The following ALPL variants were observed in gnomAD, a reference collection of about 807,000 sequenced individuals.
ALPL encodes alkaline phosphatase, tissue-nonspecific isozyme.
Under a neutral mutation model 51.3 loss-of-function variants are expected in ALPL, and 42 were observed. The observed-to-expected ratio is 0.82, with a 90% CI of 0.64 to 1.06. ALPL has a LOEUF of 1.06. Among genes scored for constraint, ALPL ranks in the 50% least tolerant of loss-of-function variants. The pLI is 0.00. For missense variants in ALPL, 589 were observed against 709.4 expected (o/e 0.83, Z 1.93); for synonymous variants, 279 against 296.4 (o/e 0.94, Z 0.60).
At chr1:21,515,547 C>T (rs1643779212) in intron 1 of ALPL, among the ~76,000 whole-genome samples, 1 of 152,186 alleles carries the variant, frequency 6.6e-6, no homozygotes, top group Admixed American at 6.5e-5. Context: ...TGCCACCACA[C>T]CCAGCTAATT....
chr1:21,541,666 G>T (rs6682633), intron 1 of ALPL, among the ~76,000 whole-genome samples: 88,163 of 152,058 alleles, frequency 0.58, 26,059 homozygotes, highest in East Asian at 0.83. Flanking sequence ...GGCACTGGGT[G>T]CTGGGAGCTT....
In ALPL at chr1:21,576,623, G is replaced by A; in HGVS notation, c.1291G>A (p.Val431Ile). 6.2e-7 allele frequency: 1 copy of A among 1,613,872 alleles called. No homozygotes were observed. Among genetic ancestry groups the A allele is most frequent in the Non-Finnish European group, 8.5e-7 (1 of 1,179,866 alleles). ...GGTGGTGGGCGGTGAACGAGAGAAT[G>A]TCTCCATGGTGGACTATGGTGAGAC... ...YKVVGGEREN[V>I]SMVDYAHNNY... The change falls in exon 11 of 12, where the codon GTC becomes ATC. Residue 431 changes from valine (V) to isoleucine (I), a missense_variant. Coordinates refer to ENST00000374840, the MANE Select transcript of ALPL (RefSeq NM_000478.6).
At chr1:21,571,386 G>T (rs1644644574) in intron 8 of ALPL, among the ~76,000 whole-genome samples, 1 of 152,172 alleles carries the variant, frequency 6.6e-6, no homozygotes, top group Admixed American at 6.5e-5. Flanking sequence ...CTTAGGCCAG[G>T]TGCAGGCCGG....
At chr1:21,537,090 G>A (rs1168759505) in intron 1 of ALPL, among the ~76,000 whole-genome samples, 5 of 151,984 alleles carry the variant, frequency 3.3e-5, no homozygotes, top group African/African-American at 1.2e-4. Context: ...TAGAGACAGG[G>A]TTTCACTGTG....
rs1223124819 is a variant in ALPL at position 21,509,669 on chromosome 1, G to A, written c.-105+152G>A. 6.6e-6 allele frequency among the ~76,000 whole-genome samples: 1 copy of A among 152,166 alleles called. No homozygotes were observed. Among genetic ancestry groups the A allele is most frequent in the Non-Finnish European group, 1.5e-5 (1 of 68,026 alleles). ...ACGCCGCCCACAGCAGCCCATTCGG[G>A]ACGCCCTGCAATTGGTCCTGCCCCT... is the stretch of plus-strand genomic sequence containing the variant. On this transcript the variant is annotated intron_variant, in intron 1 of 11. Transcript: ENST00000374840. This position sits in a 1 kb window ranked among gnomAD's most constrained non-coding sequence, Gnocchi z 6.0.
In ALPL at chr1:21,509,799, G is replaced by A. The variant is rs927997782; in HGVS notation, c.-105+282G>A. ...AACTCAGGGGACCGCGCTCGGGACC[G>A]CCCTGCAGTCCCAGGGTCTCCTACC... On this transcript the variant is annotated intron_variant, in intron 1 of 11. Coordinates refer to ENST00000374840, the MANE Select transcript of ALPL (RefSeq NM_000478.6). The surrounding 1 kb of genome is among the most constrained non-coding windows in gnomAD (Gnocchi z 6.0). Among the ~76,000 whole-genome samples the A allele has an allele frequency of 1.3e-4, 20 of 152,228 alleles. No homozygotes were observed. The highest frequency in any genetic ancestry group is 4.8e-4 in the African/African-American group (20 of 41,558).
intron 2 of ALPL, among the ~76,000 whole-genome samples, chr1:21,558,358 C>T (rs1294740980): frequency 6.8e-6 from 1 of 146,940 alleles, no homozygotes; most frequent in East Asian, 2.3e-4. Context: ...AAGGTCTTCA[C>T]CACCCAGTGG....
chr1:21,577,780 CA>C lies in ALPL; in HGVS notation c.*135del. On this transcript the variant is annotated 3_prime_UTR_variant, in exon 12 of 12. Transcript: ENST00000374840. ...CTGCAAGAAAGGGGACCCAAGAAAC[CA>C]AAGTCTGCCGCCCACCTCGCTCCCC... is the stretch of plus-strand genomic sequence containing the variant. The C allele has an allele frequency of 8.3e-7, 1 of 1,203,484 alleles. No individual in the cohort carries two copies. The highest frequency in any genetic ancestry group is 1.1e-6 in the Non-Finnish European group (1 of 876,552). 74.6% of individuals were successfully genotyped at this position (1,203,484 alleles called of 1,614,324 possible).
In ALPL at chr1:21,560,955, C is replaced by G. The variant is rs987175391; in HGVS notation, c.182-142C>G. 1.6e-5 allele frequency: 16 copies of G among 984,492 alleles called. No homozygotes were observed. The African/African-American group carries it at 1.9e-4, about 12-fold the overall frequency. 61.0% of individuals were successfully genotyped at this position (984,492 alleles called of 1,614,324 possible). A position where few individuals can be genotyped will look rare whatever the true frequency, so the allele number is the denominator to read the frequency against. The stretch of plus-strand genomic sequence containing the variant: ...TGGGGGTGAAGGGAGAGAGGGGCTG[C>G]TCACTGACATTTACAGAGCCATGCC... On this transcript the variant is annotated intron_variant, in intron 3 of 11. Transcript: ENST00000374840.
intron 1 of ALPL, among the ~76,000 whole-genome samples, chr1:21,540,294 C>T (rs994674979): frequency 4.0e-5 from 6 of 151,072 alleles, no homozygotes; most frequent in Admixed American, 2.6e-4. Flanking sequence ...CCCTCCCCTG[C>T]GATCTCCCTA....
chr1:21,544,825 A>G (rs993087724), intron 1 of ALPL, among the ~76,000 whole-genome samples: 5 of 152,236 alleles, frequency 3.3e-5, no homozygotes, highest in Non-Finnish European at 7.3e-5. Context: ...CGAAACCTAA[A>G]TAGAGTCACT....
At chr1:21,576,234 GGATGGATGGATGGATGGAT>G (rs1489494861) in intron 10 of ALPL, among the ~76,000 whole-genome samples, 1 of 147,182 alleles carries the variant, frequency 6.8e-6, no homozygotes, top group East Asian at 2.0e-4. Context: ...ATGGATGGAT[GGATGGATGGATGGATGGAT>G]GATGGATGGA....
chr1:21,553,027 T>C (rs1394069651), intron 1 of ALPL, among the ~76,000 whole-genome samples: 2 of 151,800 alleles, frequency 1.3e-5, no homozygotes, highest in South Asian at 2.1e-4. Flanking sequence ...AACATTCTTA[T>C]GCCATTAATA....
rs1325977522 is a variant in ALPL at position 21,563,099 on chromosome 1, C to T, written c.298-11C>T. The T allele has an allele frequency of 1.9e-6, 3 of 1,613,482 alleles. No individual in the cohort carries two copies. The highest frequency in any genetic ancestry group is 2.7e-5 in the African/African-American group (2 of 75,064). On this transcript the variant is annotated splice_polypyrimidine_tract_variant and intron_variant, in intron 4 of 11. Coordinates refer to ENST00000374840, the MANE Select transcript of ALPL (RefSeq NM_000478.6). ...CCTGGCCATCTCCTGACCCTCCTCT[C>T]CCACCTGCAGACGTACAACACCAAT...
chr1:21,513,680 C>T (rs1643735703), intron 1 of ALPL, among the ~76,000 whole-genome samples: 1 of 152,160 alleles, frequency 6.6e-6, no homozygotes, highest in African/African-American at 2.4e-5. Context: ...CCTAAGGCTG[C>T]AGGGGGTGGG....
chr1:21,571,559 C>A (rs929309883), intron 8 of ALPL, among the ~76,000 whole-genome samples: 2 of 152,118 alleles, frequency 1.3e-5, no homozygotes, highest in Non-Finnish European at 1.5e-5. Flanking sequence ...GTAGTCCCAG[C>A]TACTCAGGAG....
At chr1:21,510,290 A>G (rs1643658662) in intron 1 of ALPL, among the ~76,000 whole-genome samples, 1 of 152,238 alleles carries the variant, frequency 6.6e-6, no homozygotes, top group Admixed American at 6.5e-5. Flanking sequence ...CCCACTCCCC[A>G]TTGTGCCTTA....
intron 2 of ALPL, among the ~76,000 whole-genome samples, chr1:21,559,111 G>T (rs1459503633): frequency 6.6e-6 from 1 of 152,118 alleles, no homozygotes; most frequent in African/African-American, 2.4e-5. Flanking sequence ...GATGAGAATT[G>T]TGTCCCCAGC....
intron 1 of ALPL, among the ~76,000 whole-genome samples, chr1:21,544,036 C>T (rs889226418): frequency 2.0e-5 from 3 of 152,210 alleles, no homozygotes; most frequent in African/African-American, 7.2e-5. Context: ...TGTGCAGGGC[C>T]TGGCCCAGTA....
Sources: gnomAD v4.1 joint callset for allele counts (sites outside exome capture counted in the v4.1 genomes callset) on GRCh38, gnomAD v4.1.1 for gene constraint, Gnocchi (gnomAD v3.1) non-coding constraint, MANE v1.5 for transcripts, NCBI Gene and HGNC (gene_info 2026-07-23, HGNC 2026-07-21) for gene names.